Variants in LPP observed in about 807,000 individuals in gnomAD.
The protein encoded by LPP is lipoma-preferred partner.
A neutral mutation model predicts 60.4 loss-of-function variants in LPP; 38 were observed. The ratio of observed to expected loss-of-function variants is 0.63; its 90% CI spans 0.49 to 0.83. The LOEUF (loss-of-function observed/expected upper bound fraction) is 0.83, where lower values mean the gene tolerates loss of function less well. Among genes scored for constraint, LPP ranks in the 40% least tolerant of loss-of-function variants. LPP has a pLI of 0.00. For missense variants in LPP, 902 were observed against 783.6 expected, an observed-to-expected ratio of 1.15 and a Z score of -1.80; for synonymous variants, 328 against 290.8, an observed-to-expected ratio of 1.13 and a Z score of -1.30.
chr3:188,538,624 C>G (rs915372399), intron 6 of LPP, among the ~76,000 whole-genome samples: 8 of 152,124 alleles, frequency 5.3e-5, no homozygotes, highest in Admixed American at 5.2e-4. Flanking sequence ...AGCAATCTGT[C>G]AATTCTTCAA....
chr3:188,390,937 A>C (rs566481832), intron 3 of LPP, among the ~76,000 whole-genome samples: 1 of 152,148 alleles, frequency 6.6e-6, no homozygotes, highest in African/African-American at 2.4e-5. Context: ...GAGGCTTTCT[A>C]GTTGTAGGCT....
At chr3:188,203,400 A>ATT (rs1243907397) in intron 1 of LPP, among the ~76,000 whole-genome samples, 1,467 of 64,294 alleles carry the variant, frequency 0.023, 18 homozygotes, top group South Asian at 0.053. Flanking sequence ...ATTAATATAT[A>ATT]TTTTTATAAA....
At chr3:188,383,349 T>C (rs561403380) in intron 3 of LPP, among the ~76,000 whole-genome samples, 9 of 152,220 alleles carry the variant, frequency 5.9e-5, no homozygotes, top group Admixed American at 5.9e-4. Flanking sequence ...TCTTTTGTCA[T>C]GTTGAATGTA....
intron 7 of LPP, among the ~76,000 whole-genome samples, chr3:188,637,566 A>C (rs957641444): frequency 6.6e-6 from 1 of 151,250 alleles, no homozygotes; most frequent in African/African-American, 2.4e-5. Context: ...AAAATTAATG[A>C]ATCCAGGAGC....
intron 5 of LPP, among the ~76,000 whole-genome samples, chr3:188,505,526 A>G (rs982674585): frequency 6.6e-6 from 1 of 152,104 alleles, no homozygotes; most frequent in Non-Finnish European, 1.5e-5. Flanking sequence ...GTTTTGTTTC[A>G]TTTATCCATG....
At chr3:188,858,240 T>C (rs948000890) in intron 9 of LPP, among the ~76,000 whole-genome samples, 5 of 152,196 alleles carry the variant, frequency 3.3e-5, no homozygotes, top group African/African-American at 1.2e-4. Flanking sequence ...AACTCAATTC[T>C]TTTCTTTCTC....
intron 1 of LPP, among the ~76,000 whole-genome samples, chr3:188,197,018 G>T (rs1729730296): frequency 1.3e-5 from 2 of 152,168 alleles, no homozygotes; most frequent in Non-Finnish European, 2.9e-5. Flanking sequence ...GAGAGCAATG[G>T]TAATTCTTTA....
intron 7 of LPP, among the ~76,000 whole-genome samples, chr3:188,695,381 G>A (rs143893722): frequency 8.3e-4 from 126 of 152,166 alleles, no homozygotes; most frequent in African/African-American, 2.9e-3. Flanking sequence ...TCTTCCCCTC[G>A]GCTGCAGTGC....
At chr3:188,714,515 C>T (rs761101805) in intron 8 of LPP, among the ~76,000 whole-genome samples, 1 of 151,672 alleles carries the variant, frequency 6.6e-6, no homozygotes, top group African/African-American at 2.4e-5. Flanking sequence ...TAATAGCCAC[C>T]GTTCTTATTT....
At chr3:188,264,297 GAGAA>G (rs973559054) in intron 2 of LPP, among the ~76,000 whole-genome samples, 12 of 151,922 alleles carry the variant, frequency 7.9e-5, no homozygotes, top group African/African-American at 2.9e-4. Flanking sequence ...GAGAGGGAGA[GAGAA>G]AGAGAGAGAG....
Position 188,474,084 on chromosome 3 carries a change from G to A in LPP, c.194-10508G>A, listed in dbSNP as rs75184452. ...GACCTTATGTCAATATTTGAAAAGT[G>A]GCAAAGTTGACCATGGGAAAAGTTC... is the stretch of plus-strand genomic sequence containing the variant. On this transcript the variant is annotated intron_variant, in intron 4 of 11. Transcript: ENST00000617246. 5.1e-3 allele frequency among the ~76,000 whole-genome samples: 783 copies of A among 152,282 alleles called. 8 individuals carry two copies. The highest frequency in any genetic ancestry group is 0.015 in the African/African-American group (604 of 41,556).
At chr3:188,369,861 CTTCTG>C in intron 3 of LPP, among the ~76,000 whole-genome samples, 1 of 152,278 alleles carries the variant, frequency 6.6e-6, no homozygotes, top group South Asian at 2.1e-4. Flanking sequence ...TGGAAGGATT[CTTCTG>C]TTCTGTCATT....
chr3:188,221,231 C>T (rs1715657858), intron 1 of LPP, among the ~76,000 whole-genome samples: 1 of 152,160 alleles, frequency 6.6e-6, no homozygotes, highest in African/African-American at 2.4e-5. Context: ...TATTTTTCTC[C>T]TCCTCATCCG....
At chr3:188,789,113 A>G (rs756015407) in intron 9 of LPP, among the ~76,000 whole-genome samples, 2 of 151,814 alleles carry the variant, frequency 1.3e-5, no homozygotes, top group Non-Finnish European at 2.9e-5. Context: ...TTTTTTAGCA[A>G]CAATGTATTT....
intron 5 of LPP, among the ~76,000 whole-genome samples, chr3:188,499,451 A>G (rs971063082): frequency 6.6e-6 from 1 of 152,012 alleles, no homozygotes; most frequent in Admixed American, 6.5e-5. Flanking sequence ...CTGAGGGTTT[A>G]TTTCTGGACT....
chr3:188,678,834 C>T (rs1050908863), intron 7 of LPP, among the ~76,000 whole-genome samples: 1 of 152,270 alleles, frequency 6.6e-6, no homozygotes, highest in East Asian at 1.9e-4. Flanking sequence ...ATGCACAAAA[C>T]GAAAGCCAGA....
intron 9 of LPP, among the ~76,000 whole-genome samples, chr3:188,806,562 T>G (rs1470355570): frequency 1.3e-5 from 2 of 151,938 alleles, no homozygotes; most frequent in African/African-American, 4.8e-5. Context: ...ATTGATATAG[T>G]TGGATTGAAA....
chr3:188,745,803 G>C (rs890078901), intron 8 of LPP, among the ~76,000 whole-genome samples: 1 of 152,130 alleles, frequency 6.6e-6, no homozygotes, highest in Non-Finnish European at 1.5e-5. Flanking sequence ...AATAGAGCAG[G>C]ATCCTCAAAA....
intron 6 of LPP, among the ~76,000 whole-genome samples, chr3:188,533,142 G>A (rs1374120868): frequency 2.0e-5 from 3 of 152,170 alleles, no homozygotes; most frequent in Non-Finnish European, 4.4e-5. Context: ...TGTGGTCTGA[G>A]GGCTTGGGTG....
Sources: gnomAD v4.1 joint callset for allele counts (sites outside exome capture counted in the v4.1 genomes callset) on GRCh38, gnomAD v4.1.1 for gene constraint, MANE v1.5 for transcripts, NCBI Gene and HGNC (gene_info 2026-07-23, HGNC 2026-07-21) for gene names.